The following TRAPPC10 variants were observed in gnomAD, a reference collection of about 807,000 sequenced individuals.
TRAPPC10 encodes TRAPP 130 kDa subunit.
Under a neutral mutation model 125.5 loss-of-function variants are expected in TRAPPC10, and 23 were observed. The ratio of observed to expected loss-of-function variants is 0.18; its 90% CI spans 0.13 to 0.26. The LOEUF is 0.26. TRAPPC10 is among the 10% of genes least tolerant of loss of function. The pLI is 1.00. For missense variants in TRAPPC10, 1,123 were observed against 1,308.4 expected (o/e 0.86, Z 2.19); for synonymous variants, 509 against 518.0 (o/e 0.98, Z 0.24).
chr21:44,070,558 C>T (rs145823784), intron 7 of TRAPPC10, among the ~76,000 whole-genome samples: 24 of 152,336 alleles, frequency 1.6e-4, no homozygotes, highest in African/African-American at 5.1e-4. Context: ...GTGGCAGATG[C>T]CACCATAGAG....
intron 8 of TRAPPC10, 73 bp downstream of exon 8, chr21:44,074,543 T>C: frequency 1.3e-6 from 2 of 1,591,822 alleles, no homozygotes; most frequent in South Asian, 1.1e-5. Flanking sequence ...GGAAGTCTGC[T>C]GTTTGGAGGA....
intron 3 of TRAPPC10, among the ~76,000 whole-genome samples, chr21:44,042,961 T>C (rs951476177): frequency 5.9e-5 from 9 of 152,164 alleles, no homozygotes; most frequent in Non-Finnish European, 1.3e-4. Context: ...TTATGTCTTA[T>C]ATTGGGACCC....
intron 1 of TRAPPC10, among the ~76,000 whole-genome samples, chr21:44,018,878 A>G (rs1219333946): frequency 2.0e-5 from 3 of 151,892 alleles, no homozygotes; most frequent in Non-Finnish European, 4.4e-5. Context: ...TTGTCGTAGG[A>G]AAGTTTGTTG....
At chr21:44,083,854 A>G (rs971546623) in intron 14 of TRAPPC10, among the ~76,000 whole-genome samples, 1 of 152,224 alleles carries the variant, frequency 6.6e-6, no homozygotes, top group African/African-American at 2.4e-5. Context: ...TGTCTCTACA[A>G]TGCCACAAAT....
At chr21:44,033,599 G>A (rs372555097) in intron 2 of TRAPPC10, among the ~76,000 whole-genome samples, 2 of 152,206 alleles carry the variant, frequency 1.3e-5, no homozygotes, top group South Asian at 4.1e-4. Context: ...GGTGGCTCAC[G>A]CCTGTCATCC....
At chr21:44,079,326 G>A (rs1427711071) in intron 11 of TRAPPC10, 2 of 467,628 alleles carry the variant, frequency 4.3e-6, no homozygotes, top group Non-Finnish European at 7.5e-6. Flanking sequence ...CCAACGATGT[G>A]TTGTGCTCTT....
At chr21:44,056,177 A>G (rs908825951) in intron 5 of TRAPPC10, among the ~76,000 whole-genome samples, 1 of 152,242 alleles carries the variant, frequency 6.6e-6, no homozygotes, top group African/African-American at 2.4e-5. Flanking sequence ...GGTTTAACCC[A>G]TGGAATAAAA....
chr21:44,093,736 C>T (rs758954579), intron 19 of TRAPPC10, among the ~76,000 whole-genome samples: 21 of 151,832 alleles, frequency 1.4e-4, no homozygotes, highest in Non-Finnish European at 2.4e-4. Context: ...CCAGCCTGGG[C>T]GACAAAGCGA....
At chr21:44,043,475 G>A (rs2034561412) in intron 3 of TRAPPC10, among the ~76,000 whole-genome samples, 1 of 152,128 alleles carries the variant, frequency 6.6e-6, no homozygotes, top group South Asian at 2.1e-4. Flanking sequence ...GCATCCCAAA[G>A]TGCTGGGATT....
chr21:44,064,457 C>T (rs893164877), intron 7 of TRAPPC10, among the ~76,000 whole-genome samples: 3 of 152,064 alleles, frequency 2.0e-5, no homozygotes, highest in South Asian at 2.1e-4. Context: ...CTGTAGAGAC[C>T]GTATCTAGTC....
intron 1 of TRAPPC10, among the ~76,000 whole-genome samples, chr21:44,013,793 A>T (rs73226982): frequency 1.3e-4 from 20 of 152,062 alleles, no homozygotes; most frequent in Admixed American, 1.2e-3. Context: ...ACTGTGTCTC[A>T]TTTAAAATTG....
intron 7 of TRAPPC10, among the ~76,000 whole-genome samples, chr21:44,069,718 A>G (rs569749965): frequency 6.6e-6 from 1 of 152,298 alleles, no homozygotes; most frequent in African/African-American, 2.4e-5. Flanking sequence ...GGCACCCGTG[A>G]GTCATTGGAG....
At chr21:44,091,681 GCCCACCTCGGCCT>G (rs936164318) in intron 18 of TRAPPC10, 1 of 357,180 alleles carries the variant, frequency 2.8e-6, no homozygotes, top group Non-Finnish European at 5.4e-6. Flanking sequence ...CTCATAATCT[GCCCACCTCGGCCT>G]CCCAAAGTGC....
chr21:44,040,225 C>G lies in TRAPPC10; in HGVS notation c.285+2298C>G, dbSNP rs570685397. 7.9e-5 allele frequency among the ~76,000 whole-genome samples: 12 copies of G among 152,318 alleles called. No homozygotes were observed. The South Asian group carries it at 2.5e-3, about 32-fold the overall frequency. ...AACTAAGTTTATAAGTTCCCATATG[C>G]AGAACTAACATCTTGATCACGTTGA... is the stretch of plus-strand genomic sequence containing the variant. On this transcript the variant is annotated intron_variant, in intron 3 of 22. Coordinates refer to ENST00000291574, the MANE Select transcript of TRAPPC10 (RefSeq NM_003274.5).
intron 3 of TRAPPC10, among the ~76,000 whole-genome samples, chr21:44,044,660 CTTTTTTTTTTT>C (rs34356064): frequency 2.3e-5 from 2 of 86,330 alleles, no homozygotes; most frequent in African/African-American, 5.6e-5. Context: ...AAAATCATGT[CTTTTTTTTTTT>C]TTTTTTTTTT....
intron 16 of TRAPPC10, 39 bp downstream of exon 16, chr21:44,086,999 C>G: frequency 6.2e-7 from 1 of 1,608,302 alleles, no homozygotes; most frequent in Middle Eastern, 1.8e-4. Context: ...AGGATGCCCA[C>G]CTTGCCCTGC....
rs372581600 is a variant in TRAPPC10, at chr21:44,077,711, A to T, written c.1396A>T (p.Ile466Phe). 2 of 1,605,546 alleles carry T rather than the reference A, an allele frequency of 1.2e-6. No homozygotes were observed. The highest frequency in any genetic ancestry group is 4.5e-5 in the East Asian group (2 of 44,582). Residue 466 changes from isoleucine (I) to phenylalanine (F), a missense_variant, in exon 11 of 23, where the codon ATT becomes TTT. Physicochemically the swap from Ile to Phe is conservative, Grantham distance 21. Coordinates refer to ENST00000291574, the MANE Select transcript of TRAPPC10 (RefSeq NM_003274.5). Reference protein sequence around the residue: ...KHYLDLSHATIEMYTSIGRIR... With the variant: ...KHYLDLSHATFEMYTSIGRIR... ...CCCACAGGATTTGTCCCATGCCACC[A>T]TTGAAATGTATACAAGCATTGGGAG...
intron 6 of TRAPPC10, chr21:44,062,821 G>T: frequency 2.0e-6 from 2 of 985,452 alleles, no homozygotes; most frequent in Non-Finnish European, 2.4e-6. Flanking sequence ...TGCCACGTAG[G>T]AATGAACTGG....
intron 1 of TRAPPC10, among the ~76,000 whole-genome samples, chr21:44,013,627 CTG>C (rs2031448597): frequency 1.3e-5 from 2 of 152,166 alleles, no homozygotes; most frequent in African/African-American, 4.8e-5. Flanking sequence ...CCCTGAGAAA[CTG>C]TATATTGAAG....
Sources: gnomAD v4.1 joint callset for allele counts (sites outside exome capture counted in the v4.1 genomes callset) on GRCh38, gnomAD v4.1.1 for gene constraint, MANE v1.5 for transcripts, NCBI Gene and HGNC (gene_info 2026-07-23, HGNC 2026-07-21) for gene names.